ZNF724: variants seen among roughly 807,000 people sequenced by gnomAD.
The protein encoded by ZNF724 is zinc finger protein 724 pseudogene.
A neutral mutation model predicts 29.3 loss-of-function variants in ZNF724; 14 were observed. The observed-to-expected ratio is 0.48, with a 90% CI of 0.32 to 0.75. ZNF724 has a LOEUF of 0.75. Among genes scored for constraint, ZNF724 ranks in the 30% least tolerant of loss-of-function variants. The pLI is 0.04. For missense variants in ZNF724, 557 were observed against 571.2 expected, an observed-to-expected ratio of 0.98 and a Z score of 0.25; for synonymous variants, 180 against 193.6, an observed-to-expected ratio of 0.93 and a Z score of 0.58.
rs185372940 is a variant in ZNF724 at position 23,224,038 on chromosome 19, C to T, written c.227-20G>A. The T allele has an allele frequency of 3.2e-4, 202 of 623,446 alleles. No homozygotes were observed. In the East Asian group the frequency reaches 5.1e-3, roughly 16 times the overall value. 38.6% of individuals were successfully genotyped at this position (623,446 alleles called of 1,614,324 possible). ...ACATACCTGAAAGAAATAAAAATAA[C>T]AACTTACTCCACATACTAGACTCAG... On this transcript the variant is annotated intron_variant, in intron 3 of 3. Transcript: ENST00000418100.
At chr19:23,232,125 A>G (rs1399456418) in intron 2 of ZNF724, 42 bp downstream of exon 2, 1 of 1,249,898 alleles carries the variant, frequency 8.0e-7, no homozygotes, top group South Asian at 1.2e-5. Context: ...CAAACGAAAT[A>G]TTTAGGGTAG....
At position 23,232,176 on chromosome 19, in the gene ZNF724, C is replaced by A. The variant is rs760627622; in HGVS notation, c.121G>T (p.Val41Phe). The A allele has an allele frequency of 7.4e-7, 1 of 1,345,768 alleles. No homozygotes were observed. The highest frequency in any genetic ancestry group is 1.7e-5 in the Admixed American group (1 of 59,426). The allele number at this position is 1,345,768 out of a possible 1,614,324, so 83.4% of individuals were successfully genotyped here. Residue 41 changes from valine (V) to phenylalanine (F), a missense_variant, in exon 2 of 4, where the codon GTC becomes TTC. Physicochemically the swap from Val to Phe is conservative, Grantham distance 50. This residue lies in a region of ZNF724 where 25 missense variants were observed against 54.9 expected (regional missense o/e 0.46). Coordinates refer to ENST00000418100, the MANE Select transcript of ZNF724 (RefSeq NM_001355404.2). ...TTGAAGTTATTCTCACCCAGGAAGA[C>A]CAGGTTTCTGTAGTTCTCTAACATC... ...NVMLENYRNLVFLGIAVSKPD... is the reference protein window; with the variant it reads ...NVMLENYRNLFFLGIAVSKPD...
At chr19:23,230,621 A>G (rs1195164368) in intron 3 of ZNF724, among the ~76,000 whole-genome samples, 1 of 152,138 alleles carries the variant, frequency 6.6e-6, no homozygotes, top group Non-Finnish European at 1.5e-5. Context: ...GTTTCTTAAA[A>G]TTTCACAGAT....
chr19:23,240,692 C>T (rs1219118044), intron 1 of ZNF724, among the ~76,000 whole-genome samples: 1 of 148,880 alleles, frequency 6.7e-6, no homozygotes, highest in Non-Finnish European at 1.5e-5. Context: ...CGCACTCCAG[C>T]CTAGGTGACA....
chr19:23,242,304 C>CA (rs1357056203), intron 1 of ZNF724, among the ~76,000 whole-genome samples: 1 of 152,092 alleles, frequency 6.6e-6, no homozygotes. Context: ...ACTGACCAGG[C>CA]ATGATGACTC....
At chr19:23,238,769 G>A (rs187737915) in intron 1 of ZNF724, among the ~76,000 whole-genome samples, 16 of 152,102 alleles carry the variant, frequency 1.1e-4, no homozygotes, top group African/African-American at 1.7e-4. Context: ...TTAGCCGGGC[G>A]TGGTGGCATG....
chr19:23,222,241 T>G lies in ZNF724; in HGVS notation c.*144A>C. On this transcript the variant is annotated 3_prime_UTR_variant, in exon 4 of 4. Transcript: ENST00000418100. ...AGGTGTTGTCAACTGCACTGTTATATCTTTCAGGTTTGTACGGTTTCTCTC... is the reference window on the plus strand; with the variant it reads ...AGGTGTTGTCAACTGCACTGTTATAGCTTTCAGGTTTGTACGGTTTCTCTC... 1 of 600,010 alleles carries G rather than the reference T, an allele frequency of 1.7e-6. No individual in the cohort carries two copies. Among genetic ancestry groups the G allele is most frequent in the Non-Finnish European group, 2.9e-6 (1 of 339,424 alleles). The allele number at this position is 600,010 out of a possible 1,614,324, so 37.2% of individuals were successfully genotyped here. A position where few individuals can be genotyped will look rare whatever the true frequency, so the allele number is the denominator to read the frequency against.
rs1029510291 is a variant in ZNF724 at position 23,226,367 on chromosome 19, C to T, written c.227-2349G>A. Among the ~76,000 whole-genome samples the T allele has an allele frequency of 4.6e-5, 7 of 152,170 alleles. No individual in the cohort carries two copies. In the East Asian group the frequency reaches 5.8e-4, roughly 13 times the overall value. ...CGCCCAGCCCGAGAGAGGGTCTTTA[C>T]GGGTGGGCCAGGCTTGTCTCAAACT... On this transcript the variant is annotated intron_variant, in intron 3 of 3. Transcript: ENST00000418100.
At chr19:23,249,208 GATTAA>G (rs1972302793) in intron 1 of ZNF724, among the ~76,000 whole-genome samples, 1 of 148,336 alleles carries the variant, frequency 6.7e-6, no homozygotes, top group Admixed American at 6.8e-5. Context: ...ACCACTCTTT[GATTAA>G]ATTATTTAAT....
chr19:23,231,049 A>G (rs1039421376), intron 3 of ZNF724: 4 of 273,866 alleles, frequency 1.5e-5, no homozygotes, highest in Admixed American at 5.2e-5. Flanking sequence ...ACACCCAGCT[A>G]ATTTTGTATT....
At chr19:23,232,023 C>T (rs1015287260) in intron 2 of ZNF724, 144 bp downstream of exon 2, 9 of 777,110 alleles carry the variant, frequency 1.2e-5, no homozygotes, top group Middle Eastern at 2.5e-4. Context: ...AGGCATAAGC[C>T]ACCACGCTTG....
rs954916379 is a variant in ZNF724, at chr19:23,232,066, A to G, written c.130+101T>C. On this transcript the variant is annotated intron_variant, in intron 2 of 3. Transcript: ENST00000418100. The stretch of plus-strand genomic sequence containing the variant: ...AGATTTTCTTAGAAATAGAGATCTG[A>G]TACTCATTTATGCAAAGATCAATTA... The G allele has an allele frequency of 2.7e-5, 27 of 993,182 alleles. No individual in the cohort carries two copies. The Admixed American group carries it at 5.4e-4, about 20-fold the overall frequency. The allele number at this position is 993,182 out of a possible 1,614,324, so 61.5% of individuals were successfully genotyped here. A position where few individuals can be genotyped will look rare whatever the true frequency, so the allele number is the denominator to read the frequency against.
Position 23,223,940 on chromosome 19 carries a change from T to A in ZNF724, c.305A>T (p.Lys102Ile). The A allele has an allele frequency of 1.3e-6, 1 of 758,310 alleles. No individual in the cohort carries two copies. Among genetic ancestry groups the A allele is most frequent in the Admixed American group, 1.8e-5 (1 of 54,356 alleles). The allele number at this position is 758,310 out of a possible 1,614,324, so 47.0% of individuals were successfully genotyped here. ...KASLQRIILR[K>I]YEKCGHHNLQ... ...ATTGTGATGTCCACATTTTTCATAT[T>A]TTCTCAGTATTATTCTTTGCAAAGA... The change falls in exon 4 of 4, where the codon AAA becomes ATA. Residue 102 changes from lysine (K) to isoleucine (I), a missense_variant. This residue lies in a region of ZNF724 where 362 missense variants were observed against 295.5 expected (regional missense o/e 1.22). Transcript: ENST00000418100.
chr19:23,243,618 T>C (rs183162196), intron 1 of ZNF724, among the ~76,000 whole-genome samples: 1 of 151,330 alleles, frequency 6.6e-6, no homozygotes, highest in Non-Finnish European at 1.5e-5. Flanking sequence ...CTAGTTGAGG[T>C]TGGCAGGACA....
rs764148371 is a variant in ZNF724 at position 23,222,010 on chromosome 19, T to C, written c.*375A>G. 5.3e-6 allele frequency: 1 copy of C among 187,420 alleles called. No homozygotes were observed. Among genetic ancestry groups the C allele is most frequent in the Non-Finnish European group, 1.1e-5 (1 of 89,830 alleles). 11.6% of individuals were successfully genotyped at this position (187,420 alleles called of 1,614,324 possible). A position where few individuals can be genotyped will look rare whatever the true frequency, so the allele number is the denominator to read the frequency against. Reference sequence around the variant, plus strand: ...CTATTAAGTATGAACTCTCTGATATTGAATAAGATGTGAACAGATATTAAT... The same window carrying C: ...CTATTAAGTATGAACTCTCTGATATCGAATAAGATGTGAACAGATATTAAT... On this transcript the variant is annotated 3_prime_UTR_variant, in exon 4 of 4. Coordinates refer to ENST00000418100, the MANE Select transcript of ZNF724 (RefSeq NM_001355404.2).
chr19:23,241,186 A>C (rs762069179), intron 1 of ZNF724, among the ~76,000 whole-genome samples: 6 of 152,164 alleles, frequency 3.9e-5, no homozygotes, highest in Non-Finnish European at 8.8e-5. Context: ...TAGACAAACA[A>C]ATTCTCTCAA....
chr19:23,246,541 G>T (rs898447410), intron 1 of ZNF724, among the ~76,000 whole-genome samples: 5 of 151,976 alleles, frequency 3.3e-5, no homozygotes, highest in African/African-American at 1.2e-4. Flanking sequence ...TGTAATCCCA[G>T]GTACGCTGGA....
Position 23,222,332 on chromosome 19 carries a change from C to A in ZNF724, c.*53G>T. ...GATCTTGTGATCCACCCGCCTTGGC[C>A]TCCCAAAGTGCTGGGATTACAGGTG... On this transcript the variant is annotated 3_prime_UTR_variant, in exon 4 of 4. Transcript: ENST00000418100. 4 of 750,268 alleles carry A rather than the reference C, an allele frequency of 5.3e-6. No homozygotes were observed. The highest frequency in any genetic ancestry group is 8.7e-6 in the Non-Finnish European group (4 of 460,278). The allele number at this position is 750,268 out of a possible 1,614,324, so 46.5% of individuals were successfully genotyped here.
intron 3 of ZNF724, among the ~76,000 whole-genome samples, chr19:23,224,973 A>G (rs551429840): frequency 5.6e-4 from 83 of 148,758 alleles, no homozygotes; most frequent in Non-Finnish European, 6.3e-4. Context: ...AAACAAACAA[A>G]CAACAACAAC....
Sources: gnomAD v4.1 joint callset for allele counts (sites outside exome capture counted in the v4.1 genomes callset) on GRCh38, gnomAD v4.1.1 for gene constraint, gnomAD v4.1.1 regional missense constraint, MANE v1.5 for transcripts, NCBI Gene and HGNC (gene_info 2026-07-23, HGNC 2026-07-21) for gene names.